The following SIMC1 variants were observed in gnomAD, a reference collection of about 807,000 sequenced individuals.
SIMC1 encodes SUMO interacting motifs containing 1, also known as SUMO-interacting motif-containing protein 1.
A neutral mutation model predicts 82.3 loss-of-function variants in SIMC1; 55 were observed. The ratio of observed to expected loss-of-function variants is 0.67; its 90% CI spans 0.54 to 0.84. SIMC1 has a LOEUF of 0.84. Ranked by LOEUF, SIMC1 falls within the 40% of genes least tolerant of loss-of-function variation. The pLI is 0.00. For synonymous variants in SIMC1, 353 were observed against 426.3 expected (o/e 0.83, Z 2.12); for missense variants, 915 against 1,107.2 (o/e 0.83, Z 2.46).
intron 4 of SIMC1, among the ~76,000 whole-genome samples, chr5:176,310,205 T>C (rs757607137): frequency 8.5e-5 from 13 of 152,216 alleles, no homozygotes; most frequent in Admixed American, 5.9e-4. Flanking sequence ...CTGACAGGAA[T>C]GTAAAATGGT....
At chr5:176,276,096 T>G (rs1365004641) in intron 1 of SIMC1, among the ~76,000 whole-genome samples, 1 of 151,724 alleles carries the variant, frequency 6.6e-6, no homozygotes, top group Non-Finnish European at 1.5e-5. Flanking sequence ...TGAATCCATC[T>G]GATCCTGAAC....
chr5:176,332,902 T>C (rs1330722890), intron 7 of SIMC1, among the ~76,000 whole-genome samples: 1 of 152,222 alleles, frequency 6.6e-6, no homozygotes, highest in African/African-American at 2.4e-5. Context: ...ATTGCTCTTC[T>C]TGCCTTTTTA....
chr5:176,252,288 C>T (rs770519967), intron 1 of SIMC1, among the ~76,000 whole-genome samples: 17 of 151,848 alleles, frequency 1.1e-4, no homozygotes, highest in Non-Finnish European at 1.8e-4. Context: ...CCGTCCCGGA[C>T]GTGGTGGCTG....
At chr5:176,243,764 C>G (rs1445452332) in intron 1 of SIMC1, among the ~76,000 whole-genome samples, 1 of 152,102 alleles carries the variant, frequency 6.6e-6, no homozygotes. Flanking sequence ...CATGATCCAC[C>G]CGCCTCGGCC....
intron 1 of SIMC1, among the ~76,000 whole-genome samples, chr5:176,279,751 C>A (rs1762894889): frequency 1.3e-5 from 2 of 151,320 alleles, no homozygotes; most frequent in South Asian, 4.2e-4. Flanking sequence ...CATTCAGGAG[C>A]AGGTTGTTCA....
intron 4 of SIMC1, chr5:176,304,501 C>T (rs1764193511): frequency 1.2e-5 from 2 of 160,750 alleles, no homozygotes; most frequent in African/African-American, 4.8e-5. Flanking sequence ...CAATGGTGCC[C>T]AGGCTGGAGT....
At chr5:176,282,362 C>A (rs923218874) in intron 1 of SIMC1, among the ~76,000 whole-genome samples, 3 of 152,252 alleles carry the variant, frequency 2.0e-5, no homozygotes, top group African/African-American at 7.2e-5. Context: ...GGAAAGGGAA[C>A]TCCCTGACCC....
chr5:176,332,517 C>T lies in SIMC1; in HGVS notation c.2172-4203C>T, dbSNP rs375234740. ...GTTGGTCAGGCTAGTCTCGAACTCC[C>T]GACCTCAGGTTATCCACCCGCCTCA... On this transcript the variant is annotated intron_variant, in intron 7 of 9. Coordinates refer to ENST00000429602, the MANE Select transcript of SIMC1 (RefSeq NM_001308195.2). Among the ~76,000 whole-genome samples, 115 of 152,116 alleles carry T rather than the reference C, an allele frequency of 7.6e-4. No individual in the cohort carries two copies. In the East Asian group the frequency reaches 0.018, roughly 24 times the overall value.
chr5:176,273,545 G>A (rs1561683461), intron 1 of SIMC1, among the ~76,000 whole-genome samples: 1 of 152,146 alleles, frequency 6.6e-6, no homozygotes, highest in Non-Finnish European at 1.5e-5. Flanking sequence ...GGGTACATGT[G>A]CACAATGTGC....
intron 1 of SIMC1, among the ~76,000 whole-genome samples, chr5:176,251,762 GATT>G (rs1481606249): frequency 6.6e-6 from 1 of 150,798 alleles, no homozygotes; most frequent in Non-Finnish European, 1.5e-5. Flanking sequence ...GGGTACTTGA[GATT>G]AGGGAGTGGT....
intron 1 of SIMC1, among the ~76,000 whole-genome samples, chr5:176,283,922 CAAA>C (rs1024022775): frequency 5.3e-5 from 8 of 152,210 alleles, no homozygotes; most frequent in African/African-American, 1.9e-4. Flanking sequence ...TAAAAATAGA[CAAA>C]GAAGGCCATT....
intron 7 of SIMC1, among the ~76,000 whole-genome samples, chr5:176,331,895 G>A (rs2113395876): frequency 6.6e-6 from 1 of 152,046 alleles, no homozygotes; most frequent in South Asian, 2.1e-4. Context: ...CTTGAACCCA[G>A]GAGGCCGAGG....
rs764216244 is a variant in SIMC1 at position 176,290,532 on chromosome 5, A to G, written c.1008A>G (p.Pro336=). 3 of 1,613,944 alleles carry G rather than the reference A, an allele frequency of 1.9e-6. No individual in the cohort carries two copies. Among genetic ancestry groups the G allele is most frequent in the Non-Finnish European group, 8.5e-7 (1 of 1,179,878 alleles). ...PDAPQSPGGM[P]HLPGDVLHSP... Reference sequence around the variant, plus strand: ...CACCACAGTCACCAGGGGGCATGCCACACTTACCGGGAGATGTGTTACATT... The same window carrying G: ...CACCACAGTCACCAGGGGGCATGCCGCACTTACCGGGAGATGTGTTACATT... Residue 336 remains proline, a synonymous_variant, in exon 2 of 10, where the codon CCA becomes CCG. Transcript: ENST00000429602.
intron 4 of SIMC1, among the ~76,000 whole-genome samples, chr5:176,307,580 T>G (rs1764480078): frequency 1.3e-5 from 2 of 152,128 alleles, no homozygotes; most frequent in South Asian, 4.1e-4. Context: ...TTTTGTATTT[T>G]TAGTAGAGAC....
intron 1 of SIMC1, 58 bp from the exon 2 acceptor site, chr5:176,289,596 C>T: frequency 1.5e-6 from 2 of 1,355,218 alleles, no homozygotes; most frequent in Non-Finnish European, 2.0e-6. Flanking sequence ...CTTAAGTCAT[C>T]TCAGATAAAG....
chr5:176,337,257 G>A, intron 9 of SIMC1, 111 bp downstream of exon 9: 1 of 930,070 alleles, frequency 1.1e-6, no homozygotes, highest in Non-Finnish European at 1.7e-6. Context: ...TTGGTTGTAT[G>A]TAACTTATTA....
In SIMC1 at chr5:176,336,849, T is replaced by C. The variant is rs1765920375; in HGVS notation, c.2301T>C (p.Asn767=). 1.3e-5 allele frequency: 21 copies of C among 1,614,046 alleles called. No homozygotes were observed. Among genetic ancestry groups the C allele is most frequent in the African/African-American group, 2.7e-5 (2 of 75,066 alleles). Residue 767 remains asparagine (N), a synonymous_variant, in exon 8 of 10, where the codon AAT becomes AAC. Transcript: ENST00000429602. ...LSLAQALYFL[N]NSTSLLKCQS... ...TGGCCCAGGCCCTCTACTTTCTGAA[T>C]AATTCTACGTCACTGCTCAAGTGTC...
intron 1 of SIMC1, among the ~76,000 whole-genome samples, chr5:176,259,821 G>T (rs541760171): frequency 6.9e-4 from 104 of 151,750 alleles, no homozygotes; most frequent in African/African-American, 2.4e-3. Context: ...AAATTCTTAT[G>T]TAAGAACCTG....
rs576814364 is a variant in SIMC1, at chr5:176,265,860, G to C, written c.130-23794G>C. ...TTAAATTTATTTATTAATCGTGTTG[G>C]ATCCAAGTACCTTATAGCTACCAAG... On this transcript the variant is annotated intron_variant, in intron 1 of 9. Transcript: ENST00000429602. Among the ~76,000 whole-genome samples, 431 of 151,944 alleles carry C rather than the reference G, an allele frequency of 2.8e-3. 1 individual carries two copies. Among genetic ancestry groups the C allele is most frequent in the Middle Eastern group, 0.01 (3 of 290 alleles).
Sources: gnomAD v4.1 joint callset for allele counts (sites outside exome capture counted in the v4.1 genomes callset) on GRCh38, gnomAD v4.1.1 for gene constraint, MANE v1.5 for transcripts, NCBI Gene and HGNC (gene_info 2026-07-23, HGNC 2026-07-21) for gene names.